WDR25: variants seen among roughly 807,000 people sequenced by gnomAD.
WDR25 encodes the protein WD repeat-containing protein 25.
In WDR25, 35 loss-of-function variants were observed where a neutral mutation model predicts 47.7. The observed-to-expected ratio is 0.73, with a 90% CI of 0.56 to 0.97. The LOEUF is 0.97. WDR25 is among the 50% of genes least tolerant of loss of function. The pLI, the probability that WDR25 is intolerant of heterozygous loss-of-function variation, is 0.00. For synonymous variants in WDR25, 248 were observed against 278.9 expected (o/e 0.89, Z 1.10); for missense variants, 634 against 704.7 (o/e 0.90, Z 1.14).
chr14:100,402,200 G>C (rs1238015752), intron 2 of WDR25, among the ~76,000 whole-genome samples: 1 of 152,122 alleles, frequency 6.6e-6, no homozygotes, highest in Non-Finnish European at 1.5e-5. Flanking sequence ...CTTCCCAAGT[G>C]TCCTCTGTCA....
At chr14:100,431,071 C>T (rs1382757836) in intron 2 of WDR25, among the ~76,000 whole-genome samples, 1 of 152,166 alleles carries the variant, frequency 6.6e-6, no homozygotes, top group African/African-American at 2.4e-5. Context: ...GCTCAGCTAG[C>T]TAATCTATCA....
At chr14:100,454,264 A>G (rs550744565) in intron 2 of WDR25, among the ~76,000 whole-genome samples, 49 of 152,244 alleles carry the variant, frequency 3.2e-4, no homozygotes, top group African/African-American at 1.1e-3. Context: ...CACAGAATAA[A>G]TACTCTGATC....
chr14:100,395,160 G>A (rs73361403), intron 2 of WDR25, among the ~76,000 whole-genome samples: 16 of 152,250 alleles, frequency 1.1e-4, no homozygotes, highest in Admixed American at 9.1e-4. Context: ...GCTGGGTCAG[G>A]CACCACACAG....
intron 2 of WDR25, among the ~76,000 whole-genome samples, chr14:100,393,098 T>G (rs1294817381): frequency 6.6e-6 from 1 of 152,272 alleles, no homozygotes; most frequent in African/African-American, 2.4e-5. Context: ...TGATCTGTAA[T>G]TATTTAGACT....
At chr14:100,447,394 T>G (rs768043900) in intron 2 of WDR25, among the ~76,000 whole-genome samples, 7 of 152,168 alleles carry the variant, frequency 4.6e-5, no homozygotes, top group Non-Finnish European at 7.4e-5. Flanking sequence ...TGCTGGGCAG[T>G]AGGGGGGCAC....
At chr14:100,496,734 A>T (rs1018571616) in intron 4 of WDR25, among the ~76,000 whole-genome samples, 4 of 151,052 alleles carry the variant, frequency 2.6e-5, no homozygotes, top group African/African-American at 9.7e-5. Flanking sequence ...TCTCTTTGAC[A>T]TGTGGGCTAT....
chr14:100,462,253 T>C (rs747526780), intron 2 of WDR25, among the ~76,000 whole-genome samples: 13 of 152,226 alleles, frequency 8.5e-5, no homozygotes, highest in Non-Finnish European at 1.6e-4. Flanking sequence ...TTTTCAAATC[T>C]GTTACTTTTG....
At chr14:100,426,019 G>A (rs1332066629) in intron 2 of WDR25, among the ~76,000 whole-genome samples, 7 of 152,212 alleles carry the variant, frequency 4.6e-5, no homozygotes, top group Admixed American at 4.6e-4. Flanking sequence ...CGCCGTCATC[G>A]TGAATATGCA....
At chr14:100,410,380 CAG>C (rs1312473250) in intron 2 of WDR25, among the ~76,000 whole-genome samples, 3 of 152,176 alleles carry the variant, frequency 2.0e-5, no homozygotes, top group East Asian at 1.9e-4. Flanking sequence ...CCTGTGGGCT[CAG>C]GGGGTGGAGA....
At chr14:100,402,314 C>T (rs1375925616) in intron 2 of WDR25, among the ~76,000 whole-genome samples, 2 of 151,614 alleles carry the variant, frequency 1.3e-5, no homozygotes, top group Non-Finnish European at 1.5e-5. Context: ...GTCAGAGGGA[C>T]AATCTTTATT....
chr14:100,408,834 G>A (rs1897623842), intron 2 of WDR25, among the ~76,000 whole-genome samples: 1 of 152,118 alleles, frequency 6.6e-6, no homozygotes, highest in South Asian at 2.1e-4. Context: ...CTTTAGTAAT[G>A]TTTATTTTAT....
chr14:100,484,265 T>C (rs1900305609), intron 4 of WDR25, 141 bp downstream of exon 4: 1 of 966,282 alleles, frequency 1.0e-6, no homozygotes, highest in Admixed American at 3.1e-5. Context: ...GTGCTAAGCA[T>C]AATTTTTAGA....
chr14:100,485,991 T>C (rs1216212096), intron 4 of WDR25, among the ~76,000 whole-genome samples: 2 of 150,660 alleles, frequency 1.3e-5, no homozygotes, highest in Non-Finnish European at 1.5e-5. Flanking sequence ...AACTTTCTTA[T>C]AAAAATATTT....
Position 100,468,140 on chromosome 14 carries a change from C to A in WDR25, c.942C>A (p.Phe314Leu). Residue 314 changes from phenylalanine (F) to leucine (L), a missense_variant, in exon 3 of 7, where the codon TTC (phenylalanine) becomes TTA (leucine). Coordinates refer to ENST00000402312, the MANE Select transcript of WDR25 (RefSeq NM_001161476.3). The surrounding 1 kb of genome is among the most constrained non-coding windows in gnomAD (Gnocchi z 4.5). ...GRRILSGGFD[F>L]ALHLTDLETG... ...GCATCCTCAGTGGTGGCTTTGACTT[C>A]GCGCTGCACCTAACAGACCTTGAAA... 6.2e-7 allele frequency: 1 copy of A among 1,613,502 alleles called. No homozygotes were observed.
rs1399357564 is a variant in WDR25 at position 100,392,091 on chromosome 14, G to A, written c.822+10345G>A. ...ATGTGCTATTTCTGTTAACATGTGGGGGGTTTGTTACTGTTACTTTTACAT... is the reference window on the plus strand; with the variant it reads ...ATGTGCTATTTCTGTTAACATGTGGAGGGTTTGTTACTGTTACTTTTACAT... On this transcript the variant is annotated intron_variant, in intron 2 of 6. Coordinates refer to ENST00000402312, the MANE Select transcript of WDR25 (RefSeq NM_001161476.3). This position sits in a 1 kb window ranked among gnomAD's most constrained non-coding sequence, Gnocchi z 4.2. Among the ~76,000 whole-genome samples the A allele has an allele frequency of 1.3e-5, 2 of 152,126 alleles. No homozygotes were observed. The highest frequency in any genetic ancestry group is 2.9e-5 in the Non-Finnish European group (2 of 68,024).
chr14:100,484,119 G>A lies in WDR25; in HGVS notation c.1096G>A (p.Gly366Ser). ...AATGAAAGCTTGGGATATAAGGACT[G>A]GCAAGGTAATAGCCATATTCCTAAC... ...SEMKAWDIRT[G>S]KVMRSYKATI... The change falls in exon 4 of 7, where the codon GGC becomes AGC. Residue 366 changes from glycine to serine, a missense_variant. Physicochemically the swap from Gly to Ser is moderately conservative, Grantham distance 56. Coordinates refer to ENST00000402312, the MANE Select transcript of WDR25 (RefSeq NM_001161476.3). The A allele has an allele frequency of 6.2e-7, 1 of 1,611,996 alleles. No individual in the cohort carries two copies. The highest frequency in any genetic ancestry group is 1.1e-5 in the South Asian group (1 of 90,438).
Position 100,499,468 on chromosome 14 carries a change from G to A in WDR25, c.1101+15344G>A, listed in dbSNP as rs1445871376. On this transcript the variant is annotated intron_variant, in intron 4 of 6. Coordinates refer to ENST00000402312, the MANE Select transcript of WDR25 (RefSeq NM_001161476.3). The surrounding 1 kb of genome is among the most constrained non-coding windows in gnomAD (Gnocchi z 4.4). ...GTCGAAAGGTAAGCATGGTTTTTAG[G>A]TTCCGGAAACCACTGCCTGCTTCCT... Among the ~76,000 whole-genome samples the A allele has an allele frequency of 6.6e-6, 1 of 152,166 alleles. No individual in the cohort carries two copies. The highest frequency in any genetic ancestry group is 1.5e-5 in the Non-Finnish European group (1 of 68,032).
At chr14:100,485,435 T>C (rs1414859379) in intron 4 of WDR25, among the ~76,000 whole-genome samples, 3 of 152,196 alleles carry the variant, frequency 2.0e-5, no homozygotes, top group Non-Finnish European at 2.9e-5. Context: ...TGGCACATAG[T>C]TGGCACTGTG....
chr14:100,408,203 G>T (rs984258909), intron 2 of WDR25, among the ~76,000 whole-genome samples: 1 of 152,104 alleles, frequency 6.6e-6, no homozygotes, highest in African/African-American at 2.4e-5. Context: ...CTCATCGGAC[G>T]TTCCTGTGAT....
Sources: gnomAD v4.1 joint callset for allele counts (sites outside exome capture counted in the v4.1 genomes callset) on GRCh38, gnomAD v4.1.1 for gene constraint, Gnocchi (gnomAD v3.1) non-coding constraint, MANE v1.5 for transcripts, NCBI Gene and HGNC (gene_info 2026-07-23, HGNC 2026-07-21) for gene names.